The following USP9X variants were observed in gnomAD, a reference collection of about 807,000 sequenced individuals.
USP9X encodes the protein ubiquitin carboxyl-terminal hydrolase 9X.
In USP9X, 7 loss-of-function variants were observed where a neutral mutation model predicts 190.3. The observed-to-expected ratio is 0.04, with a 90% confidence interval of 0.02 to 0.07. The LOEUF (loss-of-function observed/expected upper bound fraction) is 0.07. Among genes scored for constraint, USP9X ranks in the 10% least tolerant of loss-of-function variants. The pLI is 1.00. For synonymous variants in USP9X, 645 were observed against 659.5 expected (o/e 0.98, Z 0.34); for missense variants, 1,010 against 1,916.9 (o/e 0.53, Z 8.83).
intron 6 of USP9X, among the ~76,000 whole-genome samples, chrX:41,137,550 G>A (rs779628993): frequency 1.4e-4 from 16 of 110,671 alleles, no homozygotes; most frequent in Non-Finnish European, 2.7e-4. Flanking sequence ...TTCCCTAAAC[G>A]CTGCTTCTTT....
At chrX:41,090,793 G>A (rs191304215) in intron 1 of USP9X, among the ~76,000 whole-genome samples, 19 of 111,306 alleles carry the variant, frequency 1.7e-4, no homozygotes, top group Admixed American at 1.5e-3. Context: ...AAAAATTCCA[G>A]ACTGAAACAC....
rs772058652 is a variant in USP9X at position 41,150,890 on chromosome X, C to G, written c.1627-31C>G. Reference sequence around the variant, plus strand: ...AAATAAAATTCTCCTGAGTATTGATCTATTTAAAACATTGAAATCATTTGT... The same window carrying G: ...AAATAAAATTCTCCTGAGTATTGATGTATTTAAAACATTGAAATCATTTGT... On this transcript the variant is annotated intron_variant, in intron 12 of 44. Coordinates refer to ENST00000378308, the MANE Select transcript of USP9X (RefSeq NM_001039591.3). 2.3e-5 allele frequency: 26 copies of G among 1,151,492 alleles called. No individual in the cohort carries two copies. The East Asian group carries it at 6.8e-4, about 30-fold the overall frequency. The allele number at this position is 1,151,492 out of a possible 1,213,427, so 94.9% of individuals were successfully genotyped here.
At position 41,200,963 on chromosome X, in the gene USP9X, GTGGTAGAATTAT is replaced by G. The variant is rs1339766176; in HGVS notation, c.4604-94_4604-83del. The stretch of plus-strand genomic sequence containing the variant: ...TGCTGTAGGGTTAGTCGAATTATGG[GTGGTAGAATTAT>G]TGCCAGGGTTGCTTTGTCAGCATAA... On this transcript the variant is annotated intron_variant, in intron 30 of 44. Coordinates refer to ENST00000378308, the MANE Select transcript of USP9X (RefSeq NM_001039591.3). 3.4e-6 allele frequency: 3 copies of G among 884,033 alleles called. No homozygotes were observed. In the East Asian group the frequency reaches 1.0e-4, roughly 30 times the overall value. The allele number at this position is 884,033 out of a possible 1,213,427, so 72.9% of individuals were successfully genotyped here.
chrX:41,230,958 C>T (rs184713814), intron 44 of USP9X, among the ~76,000 whole-genome samples: 63 of 111,348 alleles, frequency 5.7e-4, no homozygotes, highest in South Asian at 1.1e-3. Context: ...TAAGATATGG[C>T]AATGAAGTAA....
At chrX:41,099,260 C>T (rs184795334) in intron 1 of USP9X, among the ~76,000 whole-genome samples, 3 of 109,057 alleles carry the variant, frequency 2.8e-5, no homozygotes. Flanking sequence ...TGAGATTGTT[C>T]AGTGTTTTCA....
chrX:41,221,835 G>A (rs892853760), intron 38 of USP9X, among the ~76,000 whole-genome samples: 1 of 111,567 alleles, frequency 9.0e-6, no homozygotes. Flanking sequence ...ATTGTGACCT[G>A]TACTGGAGAA....
At chrX:41,230,739 G>A (rs942825238) in intron 44 of USP9X, 143 bp downstream of exon 44, 6 of 499,033 alleles carry the variant, frequency 1.2e-5, no homozygotes, top group Non-Finnish European at 1.6e-5. Flanking sequence ...TCCAGAAGAG[G>A]GATGGTTTGG....
At chrX:41,172,902 G>A (rs760293527) in intron 21 of USP9X, among the ~76,000 whole-genome samples, 1 of 111,447 alleles carries the variant, frequency 9.0e-6, no homozygotes, top group Non-Finnish European at 1.9e-5. Flanking sequence ...TGTGACCTTC[G>A]TTTCTGGAAG....
intron 21 of USP9X, among the ~76,000 whole-genome samples, chrX:41,175,770 T>TACACACACACAC (rs1169540884): frequency 3.9e-4 from 37 of 95,239 alleles, no homozygotes; most frequent in Admixed American, 1.4e-3. Context: ...TTACTATATA[T>TACACACACACAC]ATACACACAC....
chrX:41,135,656 A>G (rs1018163527), intron 5 of USP9X, among the ~76,000 whole-genome samples: 3 of 111,913 alleles, frequency 2.7e-5, no homozygotes, highest in African/African-American at 9.7e-5. Context: ...CGCAAGACGG[A>G]GTCTCACTCT....
Position 41,170,212 on chromosome X carries a change from C to A in USP9X, c.2854C>A (p.Gln952Lys), listed in dbSNP as rs1394335521. Residue 952 changes from glutamine to lysine, a missense_variant, in exon 19 of 45, where the codon CAA becomes AAA. Gln to Lys is a moderately conservative substitution (Grantham distance 53, BLOSUM62 1). Around this residue, in one of 11 missense-constraint regions of USP9X, gnomAD observed 351 missense variants for 480.8 expected, o/e 0.73. Coordinates refer to ENST00000378308, the MANE Select transcript of USP9X (RefSeq NM_001039591.3). ...DPADDRKLIG[Q>K]LNLKDKSLIT... ...TGCAGATGATAGAAAGTTGATTGGA[C>A]AATTAAACTTAAAAGATAAATCGGT... 1 of 1,210,002 alleles carries A rather than the reference C, an allele frequency of 8.3e-7. No homozygotes were observed. The highest frequency in any genetic ancestry group is 1.8e-5 in the South Asian group (1 of 56,844).
intron 31 of USP9X, among the ~76,000 whole-genome samples, chrX:41,204,556 C>A (rs1340464202): frequency 9.5e-6 from 1 of 105,712 alleles, no homozygotes; most frequent in Non-Finnish European, 1.9e-5. Context: ...TTACCCAGCA[C>A]CATTTGTGGA....
intron 14 of USP9X, among the ~76,000 whole-genome samples, chrX:41,158,216 C>T (rs1323027476): frequency 8.1e-5 from 9 of 111,267 alleles, no homozygotes; most frequent in South Asian, 7.6e-4. Context: ...TCACTGAAAA[C>T]GTCTCTAATT....
chrX:41,179,809 G>A (rs2062810455), intron 21 of USP9X, among the ~76,000 whole-genome samples: 1 of 111,062 alleles, frequency 9.0e-6, no homozygotes, highest in African/African-American at 3.3e-5. Flanking sequence ...GCTTTTCTCA[G>A]ATTTAGTGGG....
At chrX:41,177,578 A>G (rs916457154) in intron 21 of USP9X, among the ~76,000 whole-genome samples, 65 of 112,308 alleles carry the variant, frequency 5.8e-4, no homozygotes, top group Non-Finnish European at 5.8e-4. Flanking sequence ...CCTCTAAAGG[A>G]GAGAGATGCT....
chrX:41,179,397 T>C (rs1457225048), intron 21 of USP9X, among the ~76,000 whole-genome samples: 5 of 112,050 alleles, frequency 4.5e-5, no homozygotes, highest in Admixed American at 2.8e-4. Flanking sequence ...GAACATAGAA[T>C]ATTTTTCCAT....
rs1280941233 is a variant in USP9X, at chrX:41,234,502, T to C, written c.*1978T>C. On this transcript the variant is annotated 3_prime_UTR_variant, in exon 45 of 45. Coordinates refer to ENST00000378308, the MANE Select transcript of USP9X (RefSeq NM_001039591.3). ...GTAGGACATTTTGACACCGATACTT[T>C]GAGTGAAAGTCACACACGGTGTTTG... is the stretch of plus-strand genomic sequence containing the variant. 8.9e-6 allele frequency: 1 copy of C among 112,212 alleles called. No individual in the cohort carries two copies. Among genetic ancestry groups the C allele is most frequent in the African/African-American group, 3.2e-5 (1 of 30,890 alleles). The allele number at this position is 112,212 out of a possible 1,213,427, so 9.2% of individuals were successfully genotyped here. A position where few individuals can be genotyped will look rare whatever the true frequency, so the allele number is the denominator to read the frequency against.
chrX:41,089,591 A>G (rs2061938625), intron 1 of USP9X, among the ~76,000 whole-genome samples: 1 of 111,630 alleles, frequency 9.0e-6, no homozygotes, highest in Non-Finnish European at 1.9e-5. Context: ...GAAACTATGC[A>G]TTTGTCTCCT....
At chrX:41,161,635 CTTTTTTTTTTTTTTTTTT>C (rs759623425) in intron 14 of USP9X, among the ~76,000 whole-genome samples, 1 of 47,425 alleles carries the variant, frequency 2.1e-5, no homozygotes, top group East Asian at 7.2e-4. Flanking sequence ...GGCGCCCTGC[CTTTTTTTTTTTTTTTTTT>C]TTTTTAAAGA....
Sources: gnomAD v4.1 joint callset for allele counts (sites outside exome capture counted in the v4.1 genomes callset) on GRCh38, gnomAD v4.1.1 for gene constraint, gnomAD v4.1.1 regional missense constraint, MANE v1.5 for transcripts, NCBI Gene and HGNC (gene_info 2026-07-23, HGNC 2026-07-21) for gene names.